The following KIF3C variants were observed in gnomAD, a reference collection of about 807,000 sequenced individuals.
The protein encoded by KIF3C is kinesin-like protein KIF3C.
Under a neutral mutation model 67.7 loss-of-function variants are expected in KIF3C, and 12 were observed. The ratio of observed to expected loss-of-function variants is 0.18; its 90% CI spans 0.11 to 0.29. The LOEUF (loss-of-function observed/expected upper bound fraction) is 0.29. KIF3C is among the 10% of genes least tolerant of loss of function. The pLI is 1.00. For missense variants in KIF3C, 789 were observed against 1,059.6 expected (o/e 0.74, Z 3.55); for synonymous variants, 393 against 426.2 (o/e 0.92, Z 0.96).
At chr2:25,971,364 C>T (rs970093245) in intron 1 of KIF3C, among the ~76,000 whole-genome samples, 8 of 149,442 alleles carry the variant, frequency 5.4e-5, no homozygotes, top group Admixed American at 2.0e-4. Flanking sequence ...CGCTTGAACC[C>T]GGGAGGCAGA....
rs976880377 is a variant in KIF3C, at chr2:25,952,015, G to C, written c.1890-110C>G. The stretch of plus-strand genomic sequence containing the variant: ...ACAAGCCAAGAGGCAGAGGGGGCTG[G>C]GCACGGTGGCTCACGCCTGTAATCC... On this transcript the variant is annotated intron_variant, in intron 4 of 7. Coordinates refer to ENST00000264712, the MANE Select transcript of KIF3C (RefSeq NM_002254.8). The C allele has an allele frequency of 1.1e-4, 81 of 748,988 alleles. 4 individuals carry two copies. Among genetic ancestry groups the C allele is most frequent in the South Asian group, 1.0e-3 (65 of 65,100 alleles). The allele number at this position is 748,988 out of a possible 1,614,324, so 46.4% of individuals were successfully genotyped here.
intron 5 of KIF3C, among the ~76,000 whole-genome samples, chr2:25,937,410 A>G (rs533217461): frequency 6.6e-6 from 1 of 152,302 alleles, no homozygotes; most frequent in Admixed American, 6.5e-5. Flanking sequence ...ACAAGGAAAG[A>G]TAAGGCTCCA....
Position 25,980,685 on chromosome 2 carries a change from CCTG to C in KIF3C, c.1230_1232del (p.Arg411del), listed in dbSNP as rs752184634. Reference sequence around the variant, plus strand: ...CAGGCGGGGCGGACACGGCCTTCTTCCTGCGGCTGCTCTTCCTCCGGGGCCGCT... The same window carrying C: ...CAGGCGGGGCGGACACGGCCTTCTTCCGGCTGCTCTTCCTCCGGGGCCGCT... On this transcript the variant is annotated inframe_deletion, in exon 1 of 8. Coordinates refer to ENST00000264712, the MANE Select transcript of KIF3C (RefSeq NM_002254.8). The surrounding 1 kb of genome is among the most constrained non-coding windows in gnomAD (Gnocchi z 7.6). The C allele has an allele frequency of 1.2e-6, 2 of 1,614,148 alleles. No individual in the cohort carries two copies. The highest frequency in any genetic ancestry group is 1.7e-6 in the Non-Finnish European group (2 of 1,180,032).
In KIF3C at chr2:25,981,213, G is replaced by C; in HGVS notation, c.705C>G (p.Asp235Glu). The C allele has an allele frequency of 6.8e-6, 11 of 1,614,120 alleles. No individual in the cohort carries two copies. Among genetic ancestry groups the C allele is most frequent in the Non-Finnish European group, 9.3e-6 (11 of 1,180,036 alleles). ...ECSERGSDGQ[D>E]HIRVGKLNLV... ...GGTTGAGCTTGCCCACTCGGATGTG[G>C]TCCTGGCCATCAGAGCCACGTTCGC... Residue 235 changes from aspartate (D) to glutamate (E), a missense_variant, in exon 1 of 8, where the codon GAC becomes GAG. Coordinates refer to ENST00000264712, the MANE Select transcript of KIF3C (RefSeq NM_002254.8). This position sits in a 1 kb window ranked among gnomAD's most constrained non-coding sequence, Gnocchi z 8.2.
At chr2:25,935,877 A>C (rs928971693) in intron 5 of KIF3C, among the ~76,000 whole-genome samples, 3 of 151,626 alleles carry the variant, frequency 2.0e-5, no homozygotes, top group African/African-American at 4.8e-5. Flanking sequence ...GGAGATTGAG[A>C]CCATCCTGGC....
chr2:25,970,667 C>CAAA (rs397984116), intron 1 of KIF3C, among the ~76,000 whole-genome samples: 80 of 54,706 alleles, frequency 1.5e-3, no homozygotes, highest in Non-Finnish European at 1.6e-3. Context: ...AACTTTGTCT[C>CAAA]AAAAAAAAAA....
In KIF3C at chr2:25,928,839, T is replaced by C; in HGVS notation, c.*139A>G. 2 of 645,742 alleles carry C rather than the reference T, an allele frequency of 3.1e-6. No individual in the cohort carries two copies. Among genetic ancestry groups the C allele is most frequent in the Non-Finnish European group, 5.4e-6 (2 of 371,856 alleles). The allele number at this position is 645,742 out of a possible 1,614,324, so 40.0% of individuals were successfully genotyped here. A position where few individuals can be genotyped will look rare whatever the true frequency, so the allele number is the denominator to read the frequency against. ...CGAAGAAGAGCAGGCAGAGGCACCATCTGCCAGATTCTCACCCCTGCACAC... is the reference window on the plus strand; with the variant it reads ...CGAAGAAGAGCAGGCAGAGGCACCACCTGCCAGATTCTCACCCCTGCACAC... On this transcript the variant is annotated 3_prime_UTR_variant, in exon 8 of 8. Coordinates refer to ENST00000264712, the MANE Select transcript of KIF3C (RefSeq NM_002254.8).
At chr2:25,946,786 G>A (rs1161358533) in intron 5 of KIF3C, among the ~76,000 whole-genome samples, 1 of 152,142 alleles carries the variant, frequency 6.6e-6, no homozygotes, top group Non-Finnish European at 1.5e-5. Context: ...TCTGGGAGGT[G>A]GAGGTTGCAG....
In KIF3C at chr2:25,955,816, G is replaced by GC. The variant is rs1448522841; in HGVS notation, c.1648-154dup. ...CACTGCTCCCACCCAATCCTGCAGA[G>GC]CCCCTGGGAACCCTCCTCTCAGTTC... On this transcript the variant is annotated intron_variant, in intron 2 of 7. Transcript: ENST00000264712. This position sits in a 1 kb window ranked among gnomAD's most constrained non-coding sequence, Gnocchi z 5.0. 6.6e-5 allele frequency among the ~76,000 whole-genome samples: 10 copies of GC among 152,060 alleles called. No individual in the cohort carries two copies. The highest frequency in any genetic ancestry group is 6.6e-4 in the Admixed American group (10 of 15,260).
At position 25,981,200 on chromosome 2, in the gene KIF3C, C is replaced by T. The variant is rs763135866; in HGVS notation, c.718G>A (p.Gly240Ser). The change falls in exon 1 of 8, where the codon GGC (glycine) becomes AGC (serine). Residue 240 changes from glycine (G) to serine (S), a missense_variant. This residue lies in a region of KIF3C where 648 missense variants were observed against 807.8 expected (regional missense o/e 0.80). Transcript: ENST00000264712. The surrounding 1 kb of genome is among the most constrained non-coding windows in gnomAD (Gnocchi z 8.2). ...GSDGQDHIRV[G>S]KLNLVDLAGS... ...GCCAGGTCCACGAGGTTGAGCTTGC[C>T]CACTCGGATGTGGTCCTGGCCATCA... 6.2e-7 allele frequency: 1 copy of T among 1,614,102 alleles called. No individual in the cohort carries two copies. Among genetic ancestry groups the T allele is most frequent in the South Asian group, 1.1e-5 (1 of 91,080 alleles).
At chr2:25,931,648 CT>C (rs570803025) in intron 5 of KIF3C, among the ~76,000 whole-genome samples, 13 of 147,986 alleles carry the variant, frequency 8.8e-5, no homozygotes, top group Middle Eastern at 3.4e-3. Context: ...GCTTTATATA[CT>C]TTTTTTTTTT....
rs186505495 is a variant in KIF3C at position 25,953,086 on chromosome 2, T to A, written c.1889+1181A>T. Among the ~76,000 whole-genome samples, 896 of 151,708 alleles carry A rather than the reference T, an allele frequency of 5.9e-3. 8 individuals carry two copies. Among genetic ancestry groups the A allele is most frequent in the African/African-American group, 0.02 (849 of 41,474 alleles). ...GAGTTTGAGACCACCCTGGCCAACATGGCGAAACTCCATCTCTACTAAAAA... is the reference window on the plus strand; with the variant it reads ...GAGTTTGAGACCACCCTGGCCAACAAGGCGAAACTCCATCTCTACTAAAAA... On this transcript the variant is annotated intron_variant, in intron 4 of 7. Transcript: ENST00000264712.
chr2:25,931,426 C>T (rs980466478), intron 5 of KIF3C, among the ~76,000 whole-genome samples: 2 of 152,068 alleles, frequency 1.3e-5, no homozygotes, highest in Admixed American at 6.6e-5. Context: ...CCATTGCACT[C>T]CAGCCTGGGC....
At chr2:25,932,010 T>TG (rs1202339158) in intron 5 of KIF3C, among the ~76,000 whole-genome samples, 1 of 149,674 alleles carries the variant, frequency 6.7e-6, no homozygotes, top group Non-Finnish European at 1.5e-5. Flanking sequence ...TTTGTTTTTT[T>TG]TTTTTTTTTT....
intron 5 of KIF3C, among the ~76,000 whole-genome samples, chr2:25,943,422 C>A (rs1446056153): frequency 6.6e-6 from 1 of 152,192 alleles, no homozygotes; most frequent in African/African-American, 2.4e-5. Flanking sequence ...CTGTGCCCCA[C>A]CAGACTCTCT....
chr2:25,973,531 G>T, intron 1 of KIF3C, among the ~76,000 whole-genome samples: 1 of 144,862 alleles, frequency 6.9e-6, no homozygotes. Context: ...TCCAGCCTGG[G>T]CAACAGAGTG....
intron 4 of KIF3C, among the ~76,000 whole-genome samples, chr2:25,952,569 T>A (rs909953725): frequency 6.6e-6 from 1 of 151,486 alleles, no homozygotes; most frequent in African/African-American, 2.4e-5. Context: ...ATATATTTTT[T>A]TTTTTTTGAG....
At chr2:25,973,282 G>C (rs1664324727) in intron 1 of KIF3C, among the ~76,000 whole-genome samples, 1 of 152,086 alleles carries the variant, frequency 6.6e-6, no homozygotes, top group East Asian at 1.9e-4. Flanking sequence ...GGTCAGGCAC[G>C]GTGGCTCATG....
chr2:25,977,871 AG>A (rs1465758125), intron 1 of KIF3C, among the ~76,000 whole-genome samples: 3 of 152,144 alleles, frequency 2.0e-5, no homozygotes, highest in African/African-American at 7.2e-5. Flanking sequence ...TCCTCTGTCT[AG>A]GTTCCATTTT....
Sources: allele counts gnomAD v4.1 joint callset (sites outside exome capture counted in the v4.1 genomes callset), GRCh38; gene constraint gnomAD v4.1.1; regional missense constraint gnomAD v4.1.1; non-coding constraint Gnocchi (gnomAD v3.1); transcripts MANE v1.5; gene names NCBI Gene and HGNC (gene_info 2026-07-23, HGNC 2026-07-21).